The following CSMD3 variants were observed in gnomAD, a reference collection of about 807,000 sequenced individuals.
CSMD3 encodes the protein CUB and Sushi multiple domains 3.
In CSMD3, 177 loss-of-function variants were observed where a neutral mutation model predicts 435.2. The ratio of observed to expected loss-of-function variants is 0.41; its 90% CI spans 0.36 to 0.46. The LOEUF (loss-of-function observed/expected upper bound fraction) is 0.46. Ranked by LOEUF, CSMD3 falls within the 20% of genes least tolerant of loss-of-function variation. The pLI is 0.34. For synonymous variants in CSMD3, 1,656 were observed against 1,520.5 expected (o/e 1.09, Z -2.07); for missense variants, 4,265 against 4,504.6 (o/e 0.95, Z 1.52).
chr8:113,291,926 T>C (rs1253299056), intron 2 of CSMD3, among the ~76,000 whole-genome samples: 2 of 151,890 alleles, frequency 1.3e-5, no homozygotes, highest in Non-Finnish European at 2.9e-5. Context: ...GTTCTACTTC[T>C]ACTTACTTCT....
At position 113,418,791 on chromosome 8, in the gene CSMD3, G is replaced by T. The variant is rs775215470; in HGVS notation, c.178+17886C>A. ...ATTAGCAGATTTAGACTTGTTTCAA[G>T]AACAATAACAGGAGTGAAACAGAGG... On this transcript the variant is annotated intron_variant, in intron 1 of 70. Transcript: ENST00000297405. Among the ~76,000 whole-genome samples the T allele has an allele frequency of 4.7e-4, 72 of 152,092 alleles. 1 individual carries two copies. The highest frequency in any genetic ancestry group is 1.3e-4 in the Non-Finnish European group (9 of 67,978).
At position 112,525,794 on chromosome 8, in the gene CSMD3, A is replaced by ATGTGTG. The variant is rs1306092496; in HGVS notation, c.4565-8570_4565-8569insCACACA. 1.0e-3 allele frequency among the ~76,000 whole-genome samples: 137 copies of ATGTGTG among 131,310 alleles called. 1 individual carries two copies. The highest frequency in any genetic ancestry group is 1.8e-3 in the Non-Finnish European group (117 of 64,056). The allele number at this position is 131,310 out of a possible 152,430, so 86.1% of individuals were successfully genotyped here. On this transcript the variant is annotated intron_variant, in intron 27 of 70. Transcript: ENST00000297405. ...TATTTATATGTGTGTGTATATATAT[A>ATGTGTG]TGTATATATATATATACACACACAT...
rs542644392 is a variant in CSMD3 at position 112,685,718 on chromosome 8, T to C, written c.2170A>G (p.Asn724Asp). The C allele has an allele frequency of 6.2e-7, 1 of 1,608,258 alleles. No homozygotes were observed. The highest frequency in any genetic ancestry group is 2.2e-5 in the East Asian group (1 of 44,834). ...IPICIFPCLS[N>D]FTAPMGTVLS... ...ACTGTTCCCATTGGTGCAGTAAAGTTAGACAGGCAGGGAACTGGTGAAACA... is the reference window on the plus strand; with the variant it reads ...ACTGTTCCCATTGGTGCAGTAAAGTCAGACAGGCAGGGAACTGGTGAAACA... The change falls in exon 15 of 71, where the codon AAC becomes GAC. Residue 724 changes from asparagine (N) to aspartate (D), a missense_variant. Physicochemically the swap from Asn to Asp is conservative, Grantham distance 23. This residue lies in a region of CSMD3 where 279 missense variants were observed against 369.0 expected (regional missense o/e 0.76). Transcript: ENST00000297405.
chr8:112,795,586 A>G (rs1476887157), intron 13 of CSMD3, among the ~76,000 whole-genome samples: 3 of 152,154 alleles, frequency 2.0e-5, no homozygotes, highest in Non-Finnish European at 2.9e-5. Flanking sequence ...TTCTCCTACA[A>G]TAGACCTCTG....
intron 32 of CSMD3, among the ~76,000 whole-genome samples, chr8:112,465,996 C>T (rs981965272): frequency 6.7e-6 from 1 of 149,526 alleles, no homozygotes; most frequent in Non-Finnish European, 1.5e-5. Context: ...AAAAGAGTTC[C>T]CTGTTCTTTT....
intron 2 of CSMD3, among the ~76,000 whole-genome samples, chr8:113,299,923 C>T (rs967756361): frequency 2.0e-5 from 3 of 151,370 alleles, no homozygotes; most frequent in African/African-American, 4.9e-5. Flanking sequence ...AACCCAGAGG[C>T]AGAGGTTGCA....
At chr8:113,401,179 G>A (rs1333122648) in intron 1 of CSMD3, among the ~76,000 whole-genome samples, 1 of 151,626 alleles carries the variant, frequency 6.6e-6, no homozygotes, top group Non-Finnish European at 1.5e-5. Context: ...TGATTTGGAT[G>A]GAGCATTGAA....
chr8:113,092,051 A>T (rs549549891), intron 5 of CSMD3, among the ~76,000 whole-genome samples: 1 of 152,154 alleles, frequency 6.6e-6, no homozygotes, highest in Admixed American at 6.5e-5. Context: ...TCAATCACCC[A>T]TTCCCCTGAC....
chr8:112,498,421 G>A (rs1387327930), intron 30 of CSMD3, among the ~76,000 whole-genome samples: 2 of 152,102 alleles, frequency 1.3e-5, no homozygotes, highest in Non-Finnish European at 2.9e-5. Flanking sequence ...TGGGGAAATA[G>A]GGAGGGACAT....
intron 10 of CSMD3, among the ~76,000 whole-genome samples, chr8:112,877,130 C>T (rs1319385837): frequency 6.6e-6 from 1 of 152,134 alleles, no homozygotes; most frequent in Admixed American, 6.6e-5. Flanking sequence ...AATGGAAAAA[C>T]ATTCCATGCT....
chr8:112,349,207 A>G (rs188052140), intron 40 of CSMD3, among the ~76,000 whole-genome samples: 3 of 152,244 alleles, frequency 2.0e-5, no homozygotes, highest in African/African-American at 4.8e-5. Flanking sequence ...TAAACTTTTA[A>G]CGAAAAAGAA....
intron 47 of CSMD3, among the ~76,000 whole-genome samples, chr8:112,318,122 T>C (rs1822645074): frequency 6.6e-6 from 1 of 152,034 alleles, no homozygotes; most frequent in Admixed American, 6.6e-5. Flanking sequence ...CTGTTGTTTT[T>C]CACTTCTCTA....
intron 5 of CSMD3, among the ~76,000 whole-genome samples, chr8:113,041,272 T>G: frequency 6.7e-6 from 1 of 150,372 alleles, no homozygotes; most frequent in Admixed American, 6.6e-5. Flanking sequence ...CAATGGAATG[T>G]GTGGGTCCTA....
At chr8:113,191,903 C>G (rs1277478892) in intron 3 of CSMD3, among the ~76,000 whole-genome samples, 2 of 151,818 alleles carry the variant, frequency 1.3e-5, no homozygotes, top group African/African-American at 4.8e-5. Flanking sequence ...CACAGCCTTG[C>G]CAGCATCTGT....
At chr8:113,185,936 C>T (rs1175704773) in intron 3 of CSMD3, among the ~76,000 whole-genome samples, 1 of 151,984 alleles carries the variant, frequency 6.6e-6, no homozygotes, top group African/African-American at 2.4e-5. Context: ...GACTTCCCAC[C>T]AGGGAATCTG....
chr8:112,920,659 A>G (rs2082706265), intron 10 of CSMD3, among the ~76,000 whole-genome samples: 2 of 151,874 alleles, frequency 1.3e-5, no homozygotes, highest in African/African-American at 2.4e-5. Flanking sequence ...CACTATGGGT[A>G]GTCAAATTGA....
chr8:112,280,045 A>G (rs534446821), intron 59 of CSMD3, among the ~76,000 whole-genome samples: 112 of 152,280 alleles, frequency 7.4e-4, no homozygotes, highest in African/African-American at 2.6e-3. Flanking sequence ...CATCCAGAAA[A>G]TGCAAACAAA....
At chr8:112,653,384 T>C (rs1281198482) in intron 18 of CSMD3, among the ~76,000 whole-genome samples, 3 of 152,124 alleles carry the variant, frequency 2.0e-5, no homozygotes, top group South Asian at 4.1e-4. Context: ...ATTTTCCTAA[T>C]TGGAAAATAC....
At position 112,383,753 on chromosome 8, in the gene CSMD3, C is replaced by A; in HGVS notation, c.5935-90G>T. 5 of 848,382 alleles carry A rather than the reference C, an allele frequency of 5.9e-6. No homozygotes were observed. The South Asian group carries it at 6.8e-5, about 12-fold the overall frequency. 52.6% of individuals were successfully genotyped at this position (848,382 alleles called of 1,614,324 possible). On this transcript the variant is annotated intron_variant, in intron 36 of 70. Coordinates refer to ENST00000297405, the MANE Select transcript of CSMD3 (RefSeq NM_198123.2). ...CCAATCCCCCTTGGAAAAGAGAGTTCAAATCCTGAACCACATAATTGTGAC... is the reference window on the plus strand; with the variant it reads ...CCAATCCCCCTTGGAAAAGAGAGTTAAAATCCTGAACCACATAATTGTGAC...
Sources: allele counts gnomAD v4.1 joint callset (sites outside exome capture counted in the v4.1 genomes callset), GRCh38; gene constraint gnomAD v4.1.1; regional missense constraint gnomAD v4.1.1; transcripts MANE v1.5; gene names NCBI Gene and HGNC (gene_info 2026-07-23, HGNC 2026-07-21).